Variants in MAEL observed in about 807,000 individuals in gnomAD.
MAEL encodes protein maelstrom homolog.
Under a neutral mutation model 62.0 loss-of-function variants are expected in MAEL, and 46 were observed. The ratio of observed to expected loss-of-function variants is 0.74; its 90% CI spans 0.59 to 0.95. The LOEUF (loss-of-function observed/expected upper bound fraction) is 0.95. MAEL is among the 40% of genes least tolerant of loss of function. MAEL has a pLI of 0.00. For missense variants in MAEL, 497 were observed against 526.8 expected (o/e 0.94, Z 0.55); for synonymous variants, 172 against 175.5 (o/e 0.98, Z 0.16).
At chr1:166,978,626 G>A (rs558350015) in intron 1 of MAEL, among the ~76,000 whole-genome samples, 1 of 152,246 alleles carries the variant, frequency 6.6e-6, no homozygotes, top group African/African-American at 2.4e-5. Flanking sequence ...TAAATCTGCA[G>A]TTTAACCACT....
chr1:166,979,609 C>A (rs563273077), intron 1 of MAEL, among the ~76,000 whole-genome samples: 1 of 152,226 alleles, frequency 6.6e-6, no homozygotes, highest in Admixed American at 6.5e-5. Context: ...ACAGTGGACA[C>A]TAGACACCAC....
At chr1:166,978,787 C>A (rs530652842) in intron 1 of MAEL, among the ~76,000 whole-genome samples, 39 of 152,272 alleles carry the variant, frequency 2.6e-4, no homozygotes, top group African/African-American at 9.1e-4. Context: ...TAGGACAGGA[C>A]CCCAAATAGA....
upstream of MAEL, among the ~76,000 whole-genome samples, chr1:166,986,928 A>T (rs954251017): frequency 2.8e-5 from 4 of 143,606 alleles, no homozygotes; most frequent in Non-Finnish European, 6.0e-5. Flanking sequence ...AATAATTAGG[A>T]ATGAAAAGGA....
At position 166,991,490 on chromosome 1, in the gene MAEL, T is replaced by A; in HGVS notation, c.325+13T>A. ...AAAGGTGATCAAGGTAGAGTAATCC[T>A]GAAATATTTTGCTGAGATAAATTTG... is the stretch of plus-strand genomic sequence containing the variant. On this transcript the variant is annotated intron_variant, in intron 3 of 11. Transcript: ENST00000367872. The A allele has an allele frequency of 6.5e-7, 1 of 1,528,728 alleles. No individual in the cohort carries two copies. The highest frequency in any genetic ancestry group is 9.1e-7 in the Non-Finnish European group (1 of 1,103,036). 94.7% of individuals were successfully genotyped at this position (1,528,728 alleles called of 1,614,324 possible).
rs115654325 is a variant in MAEL, at chr1:167,021,231, G to T, written c.1117+71G>T. ...GCCTATTACTAAGATCCCAGGTGTGGTATTTAAACAGTGATATCTAAATTA... is the reference window on the plus strand; with the variant it reads ...GCCTATTACTAAGATCCCAGGTGTGTTATTTAAACAGTGATATCTAAATTA... On this transcript the variant is annotated intron_variant, in intron 11 of 11. Coordinates refer to ENST00000367872, the MANE Select transcript of MAEL (RefSeq NM_032858.3). 1,698 of 1,066,694 alleles carry T rather than the reference G, an allele frequency of 1.6e-3. 11 individuals carry two copies. In the African/African-American group the frequency reaches 0.022, roughly 14 times the overall value. The allele number at this position is 1,066,694 out of a possible 1,614,324, so 66.1% of individuals were successfully genotyped here. A position where few individuals can be genotyped will look rare whatever the true frequency, so the allele number is the denominator to read the frequency against.
chr1:167,005,721 T>C (rs1664865902), intron 8 of MAEL: 1 of 171,852 alleles, frequency 5.8e-6, no homozygotes, highest in Admixed American at 6.3e-5. Flanking sequence ...GTGAAATAAA[T>C]TGGCAAAAGT....
chr1:166,999,824 A>C (rs1245445333), intron 5 of MAEL, among the ~76,000 whole-genome samples: 1 of 152,204 alleles, frequency 6.6e-6, no homozygotes, highest in Non-Finnish European at 1.5e-5. Context: ...CATTCTGAAA[A>C]TCTTAGAGCT....
intron 6 of MAEL, 55 bp from the exon 7 acceptor site, chr1:167,005,021 A>G: frequency 6.5e-7 from 1 of 1,539,308 alleles, no homozygotes; most frequent in Non-Finnish European, 8.9e-7. Flanking sequence ...CATTCAAAGT[A>G]GGAGAAGATA....
At chr1:166,991,242 CAG>C in intron 2 of MAEL, 134 bp from the exon 3 acceptor site, 1 of 637,446 alleles carries the variant, frequency 1.6e-6, no homozygotes, top group Non-Finnish European at 2.9e-6. Flanking sequence ...GTATTATTGA[CAG>C]ATATATTTAT....
chr1:167,010,137 A>G (rs1665106147), intron 8 of MAEL, among the ~76,000 whole-genome samples: 1 of 152,154 alleles, frequency 6.6e-6, no homozygotes, highest in Admixed American at 6.6e-5. Flanking sequence ...GATGGATTTA[A>G]TAAGCATCTG....
At chr1:166,976,644 C>T (rs916718640) in intron 1 of MAEL, among the ~76,000 whole-genome samples, 1 of 152,020 alleles carries the variant, frequency 6.6e-6, no homozygotes, top group East Asian at 1.9e-4. Flanking sequence ...AGGGGGCAGG[C>T]GAGGGCATTC....
chr1:166,992,036 G>T (rs1664196243), intron 3 of MAEL, among the ~76,000 whole-genome samples: 1 of 152,020 alleles, frequency 6.6e-6, no homozygotes. Context: ...TGGTGGAGGG[G>T]GCTTATAAAG....
Position 166,991,402 on chromosome 1 carries a change from A to G in MAEL, c.250A>G (p.Arg84Gly). ...GAAACCTGTTTTCACACCACTGAGG[A>G]GGCCAGGCATGCTTGTACCAAAGCA... ...KQKPVFTPLR[R>G]PGMLVPKQNV... Residue 84 changes from arginine (R) to glycine (G), a missense_variant, in exon 3 of 12, where the codon AGG (arginine) becomes GGG (glycine). By Grantham distance (125) the Arg-to-Gly change is moderately radical (BLOSUM62 -2). Coordinates refer to ENST00000367872, the MANE Select transcript of MAEL (RefSeq NM_032858.3). The G allele has an allele frequency of 1.2e-6, 2 of 1,612,830 alleles. No homozygotes were observed. Among genetic ancestry groups the G allele is most frequent in the Non-Finnish European group, 1.7e-6 (2 of 1,178,860 alleles).
intron 1 of MAEL, among the ~76,000 whole-genome samples, chr1:166,982,621 A>G (rs1012607494): frequency 2.0e-4 from 30 of 152,272 alleles, no homozygotes; most frequent in Non-Finnish European, 4.3e-4. Flanking sequence ...AGTGGTTTGC[A>G]TAACACGTAC....
At chr1:166,979,003 G>C (rs1352902854) in intron 1 of MAEL, among the ~76,000 whole-genome samples, 2 of 152,218 alleles carry the variant, frequency 1.3e-5, no homozygotes, top group Non-Finnish European at 2.9e-5. Context: ...TTAGGACACA[G>C]AGAAAAGAGA....
chr1:166,993,687 G>A (rs1664287652), intron 4 of MAEL, among the ~76,000 whole-genome samples: 1 of 152,136 alleles, frequency 6.6e-6, no homozygotes, highest in Non-Finnish European at 1.5e-5. Flanking sequence ...TTTCCTCTGA[G>A]AAACGCATAT....
chr1:167,010,729 C>A (rs1282093965), intron 8 of MAEL, among the ~76,000 whole-genome samples: 2 of 152,130 alleles, frequency 1.3e-5, no homozygotes, highest in African/African-American at 2.4e-5. Context: ...ATTACAGGTG[C>A]AAGCCATTAT....
At chr1:167,007,282 AC>A (rs1389060489) in intron 8 of MAEL, among the ~76,000 whole-genome samples, 1 of 152,010 alleles carries the variant, frequency 6.6e-6, no homozygotes, top group Non-Finnish European at 1.5e-5. Flanking sequence ...CAGTGGGAGT[AC>A]CTTCAAGCAG....
At chr1:166,987,659 GAT>G (rs1420175554), upstream of MAEL, among the ~76,000 whole-genome samples, 2 of 152,152 alleles carry the variant, frequency 1.3e-5, no homozygotes, top group African/African-American at 4.8e-5. Context: ...ATCTAAATGA[GAT>G]AGACACTTTT....
Sources: allele counts gnomAD v4.1 joint callset (sites outside exome capture counted in the v4.1 genomes callset), GRCh38; gene constraint gnomAD v4.1.1; transcripts MANE v1.5; gene names NCBI Gene and HGNC (gene_info 2026-07-23, HGNC 2026-07-21).